The following SP3 variants were observed in gnomAD, a reference collection of about 807,000 sequenced individuals.
The protein encoded by SP3 is Sp3 transcription factor.
In SP3, 10 loss-of-function variants were observed where a neutral mutation model predicts 70.3. The ratio of observed to expected loss-of-function variants is 0.14; its 90% CI spans 0.09 to 0.24. The LOEUF is 0.24. Among genes scored for constraint, SP3 ranks in the 10% least tolerant of loss-of-function variants. The pLI, the probability that SP3 is intolerant of heterozygous loss-of-function variation, is 1.00. For synonymous variants in SP3, 402 were observed against 333.5 expected (o/e 1.21, Z -2.24); for missense variants, 825 against 914.6 (o/e 0.90, Z 1.26).
chr2:173,929,803 T>C (rs1040329168), intron 4 of SP3, among the ~76,000 whole-genome samples: 1 of 152,192 alleles, frequency 6.6e-6, no homozygotes, highest in African/African-American at 2.4e-5. Context: ...AGCAGGCAGA[T>C]AGGTCAGGGA....
intron 4 of SP3, among the ~76,000 whole-genome samples, chr2:173,949,379 T>C (rs920046865): frequency 6.8e-6 from 1 of 147,098 alleles, no homozygotes; most frequent in Non-Finnish European, 1.5e-5. Flanking sequence ...AAAAAAAAAA[T>C]CTGAAATAAA....
At chr2:173,914,671 G>A (rs1482979100) in intron 5 of SP3, 1 of 152,150 alleles carries the variant, frequency 6.6e-6, no homozygotes, top group Non-Finnish European at 1.5e-5. Context: ...GAGGAGTCAT[G>A]CTGTTGTCTC....
At chr2:173,956,871 C>T (rs890272687) in intron 3 of SP3, among the ~76,000 whole-genome samples, 2 of 152,124 alleles carry the variant, frequency 1.3e-5, no homozygotes, top group African/African-American at 4.8e-5. Context: ...GGATCAGAAG[C>T]TGGAGGATAC....
chr2:173,963,922 GA>G lies in SP3; in HGVS notation c.157-40del, dbSNP rs566320876. 3.7e-4 allele frequency: 510 copies of G among 1,393,698 alleles called. 2 individuals are homozygous for G. In the South Asian group the frequency reaches 4.2e-3, roughly 11 times the overall value. The allele number at this position is 1,393,698 out of a possible 1,614,324, so 86.3% of individuals were successfully genotyped here. ...GCGGGTTCAGAGAGGGAGACAGGGGGAGGGGGTGGCGGTTAGGGTCGGGCCG... is the reference window on the plus strand; with the variant it reads ...GCGGGTTCAGAGAGGGAGACAGGGGGGGGGGTGGCGGTTAGGGTCGGGCCG... On this transcript the variant is annotated intron_variant, in intron 2 of 6. Transcript: ENST00000310015.
chr2:173,901,599 A>G lies in SP3; in HGVS notation c.*8342T>C, dbSNP rs1291100484. Among the ~76,000 whole-genome samples, 1 of 151,476 alleles carries G rather than the reference A, an allele frequency of 6.6e-6. No individual in the cohort carries two copies. Among genetic ancestry groups the G allele is most frequent in the Non-Finnish European group, 1.5e-5 (1 of 67,842 alleles). ...AAAATTAGAATTAAAGTCATGAGTT[A>G]TCATTTCACATCCATCAACCCATCA... is the stretch of plus-strand genomic sequence containing the variant. On this transcript the variant is annotated 3_prime_UTR_variant, in exon 7 of 7. Transcript: ENST00000310015.
chr2:173,904,436 T>A lies in SP3; in HGVS notation c.*5505A>T, dbSNP rs1374178997. Among the ~76,000 whole-genome samples the A allele has an allele frequency of 2.6e-5, 4 of 152,192 alleles. No individual in the cohort carries two copies. The highest frequency in any genetic ancestry group is 2.6e-4 in the Admixed American group (4 of 15,276). On this transcript the variant is annotated 3_prime_UTR_variant, in exon 7 of 7. Transcript: ENST00000310015. ...AGAAAAAACTAAGTTGGGGAGTCTC[T>A]CTGTAAGGTTTTAAGGCTATCTTGT...
chr2:173,909,269 CAA>C lies in SP3; in HGVS notation c.*670_*671del, dbSNP rs1007734050. The C allele has an allele frequency of 2.6e-5, 4 of 152,456 alleles. No homozygotes were observed. Among genetic ancestry groups the C allele is most frequent in the African/African-American group, 7.2e-5 (3 of 41,428 alleles). The allele number at this position is 152,456 out of a possible 1,614,324, so 9.4% of individuals were successfully genotyped here. A position where few individuals can be genotyped will look rare whatever the true frequency, so the allele number is the denominator to read the frequency against. ...AACTTCGTTATTGAAAGAATATTAA[CAA>C]GACATTATTTTGGCAAATTAAATCT... On this transcript the variant is annotated 3_prime_UTR_variant, in exon 7 of 7. Transcript: ENST00000310015.
intron 5 of SP3, chr2:173,915,121 T>G (rs1689589292): frequency 6.6e-6 from 1 of 152,082 alleles, no homozygotes; most frequent in Non-Finnish European, 1.5e-5. Flanking sequence ...ACTAACAAAT[T>G]AACAGCAACA....
intron 3 of SP3, among the ~76,000 whole-genome samples, chr2:173,959,486 G>A (rs963559922): frequency 1.3e-5 from 2 of 152,232 alleles, no homozygotes; most frequent in Non-Finnish European, 2.9e-5. Context: ...AGCACTGTGG[G>A]AGGCTGAGGC....
Position 173,955,138 on chromosome 2 carries a change from A to G in SP3, c.1374T>C (p.Ser458=). 6.2e-7 allele frequency: 1 copy of G among 1,614,232 alleles called. No homozygotes were observed. The highest frequency in any genetic ancestry group is 8.5e-7 in the Non-Finnish European group (1 of 1,180,040). ...FLIQAQTVTP[S]GQVTWQTFQV... ...GAAACGTTTGCCAAGTTACCTGTCC[A>G]GAAGGGGTCACTGTCTGTGCCTGAA... Residue 458 remains serine, a synonymous_variant, in exon 4 of 7, where the codon TCT becomes TCC. Transcript: ENST00000310015.
At chr2:173,959,941 A>G (rs6761236) in intron 3 of SP3, among the ~76,000 whole-genome samples, 101,828 of 152,018 alleles carry the variant, frequency 0.67, 34,637 homozygotes, top group African/African-American at 0.78. Context: ...AAACCTAGGC[A>G]GGTGGATCCT....
Position 173,909,812 on chromosome 2 carries a change from T to C in SP3, c.*129A>G, listed in dbSNP as rs1574393970. ...TACAAAGTAAGGCATTTCAGTGTCA[T>C]GTATAACCAAGTTACTGTCAATCCA... On this transcript the variant is annotated 3_prime_UTR_variant, in exon 7 of 7. Transcript: ENST00000310015. 1.4e-6 allele frequency: 1 copy of C among 706,786 alleles called. No homozygotes were observed. The highest frequency in any genetic ancestry group is 1.8e-5 in the African/African-American group (1 of 55,370). 43.8% of individuals were successfully genotyped at this position (706,786 alleles called of 1,614,324 possible). A position where few individuals can be genotyped will look rare whatever the true frequency, so the allele number is the denominator to read the frequency against.
Position 173,905,163 on chromosome 2 carries a change from A to T in SP3, c.*4778T>A, listed in dbSNP as rs1450255258. Among the ~76,000 whole-genome samples, 1 of 152,196 alleles carries T rather than the reference A, an allele frequency of 6.6e-6. No homozygotes were observed. Among genetic ancestry groups the T allele is most frequent in the East Asian group, 1.9e-4 (1 of 5,202 alleles). ...TTCACATTTTTGCATTAGAAATAAG[A>T]CTTCTTCTCATTTTGGAAAAATCAA... On this transcript the variant is annotated 3_prime_UTR_variant, in exon 7 of 7. Coordinates refer to ENST00000310015, the MANE Select transcript of SP3 (RefSeq NM_003111.5).
chr2:173,957,166 A>G (rs1690922450), intron 3 of SP3, among the ~76,000 whole-genome samples: 1 of 152,222 alleles, frequency 6.6e-6, no homozygotes, highest in African/African-American at 2.4e-5. Flanking sequence ...GTTGAGAAAT[A>G]TATACAGTTA....
Position 173,963,918 on chromosome 2 carries a change from G to A in SP3, c.157-35C>T, listed in dbSNP as rs764178140. ...ATGGGCGGGTTCAGAGAGGGAGACAGGGGGAGGGGGTGGCGGTTAGGGTCG... is the reference window on the plus strand; with the variant it reads ...ATGGGCGGGTTCAGAGAGGGAGACAAGGGGAGGGGGTGGCGGTTAGGGTCG... On this transcript the variant is annotated intron_variant, in intron 2 of 6. Coordinates refer to ENST00000310015, the MANE Select transcript of SP3 (RefSeq NM_003111.5). The A allele has an allele frequency of 2.9e-5, 41 of 1,403,406 alleles. No individual in the cohort carries two copies. The African/African-American group carries it at 4.8e-4, about 16-fold the overall frequency. 86.9% of individuals were successfully genotyped at this position (1,403,406 alleles called of 1,614,324 possible). A position where few individuals can be genotyped will look rare whatever the true frequency, so the allele number is the denominator to read the frequency against.
chr2:173,953,305 T>C lies in SP3; in HGVS notation c.1639+1568A>G, dbSNP rs527750099. Among the ~76,000 whole-genome samples, 41 of 152,302 alleles carry C rather than the reference T, an allele frequency of 2.7e-4. No homozygotes were observed. In the South Asian group the frequency reaches 6.6e-3, roughly 25 times the overall value. On this transcript the variant is annotated intron_variant, in intron 4 of 6. Coordinates refer to ENST00000310015, the MANE Select transcript of SP3 (RefSeq NM_003111.5). ...CAACACAGAGAACAAGGCAAACAAT[T>C]TCTTAGTGCAGCTTGATGTGAAGGA...
At position 173,955,636 on chromosome 2, in the gene SP3, G is replaced by T; in HGVS notation, c.876C>A (p.Ala292=). ...SSQTMTAGIN[A]DGHLINTGQA... Reference sequence around the variant, plus strand: ...GTCCTGTGTTTATCAAATGTCCGTCGGCATTAATGCCTGCAGTCATTGTCT... The same window carrying T: ...GTCCTGTGTTTATCAAATGTCCGTCTGCATTAATGCCTGCAGTCATTGTCT... Residue 292 remains alanine (A), a synonymous_variant, in exon 4 of 7, where the codon GCC becomes GCA. Coordinates refer to ENST00000310015, the MANE Select transcript of SP3 (RefSeq NM_003111.5). 1 of 1,614,108 alleles carries T rather than the reference G, an allele frequency of 6.2e-7. No individual in the cohort carries two copies. The highest frequency in any genetic ancestry group is 8.5e-7 in the Non-Finnish European group (1 of 1,180,012).
At chr2:173,936,054 G>A (rs1690202643) in intron 4 of SP3, among the ~76,000 whole-genome samples, 2 of 151,988 alleles carry the variant, frequency 1.3e-5, no homozygotes, top group Non-Finnish European at 1.5e-5. Flanking sequence ...TTGAAACGGA[G>A]TCCCGCTCTG....
rs1164852823 is a variant in SP3, at chr2:173,904,507, G to A, written c.*5434C>T. On this transcript the variant is annotated 3_prime_UTR_variant, in exon 7 of 7. Transcript: ENST00000310015. ...TGCAGATAGTGAAATGCAAGACACT[G>A]GAACAAACACTGCCAAGTTATCAGG... 6.6e-6 allele frequency among the ~76,000 whole-genome samples: 1 copy of A among 152,134 alleles called. No homozygotes were observed. Among genetic ancestry groups the A allele is most frequent in the Non-Finnish European group, 1.5e-5 (1 of 68,020 alleles).
Sources: allele counts gnomAD v4.1 joint callset (sites outside exome capture counted in the v4.1 genomes callset), GRCh38; gene constraint gnomAD v4.1.1; transcripts MANE v1.5; gene names NCBI Gene and HGNC (gene_info 2026-07-23, HGNC 2026-07-21).